The following PRKG2 variants were observed in gnomAD, a reference collection of about 807,000 sequenced individuals.
PRKG2 encodes cGMP-dependent protein kinase 2.
In PRKG2, 33 loss-of-function variants were observed where a neutral mutation model predicts 97.2. The observed-to-expected ratio is 0.34, with a 90% confidence interval of 0.26 to 0.45. PRKG2 has a LOEUF of 0.45. Among genes scored for constraint, PRKG2 ranks in the 20% least tolerant of loss-of-function variants. The pLI is 1.00. For synonymous variants in PRKG2, 330 were observed against 321.8 expected (o/e 1.03, Z -0.27); for missense variants, 638 against 900.0 (o/e 0.71, Z 3.73).
rs1327048521 is a variant in PRKG2, at chr4:81,089,471, T to G, written c.*237A>C. ...TTGTGGAAAGGAAAATGGGGTAGCC[T>G]CTAGCAGTTGAGAAAAGCAAATAAT... is the stretch of plus-strand genomic sequence containing the variant. On this transcript the variant is annotated 3_prime_UTR_variant, in exon 19 of 19. Transcript: ENST00000264399. 2.6e-6 allele frequency: 1 copy of G among 385,630 alleles called. No homozygotes were observed. The highest frequency in any genetic ancestry group is 4.6e-6 in the Non-Finnish European group (1 of 217,952). 23.9% of individuals were successfully genotyped at this position (385,630 alleles called of 1,614,324 possible). A position where few individuals can be genotyped will look rare whatever the true frequency, so the allele number is the denominator to read the frequency against.
intron 14 of PRKG2, among the ~76,000 whole-genome samples, chr4:81,116,583 T>C (rs1392313750): frequency 6.6e-6 from 1 of 152,276 alleles, no homozygotes; most frequent in East Asian, 1.9e-4. Context: ...TTAAGTTCTT[T>C]AAGAAATTGC....
chr4:81,203,564 C>A (rs1043398312), intron 2 of PRKG2, among the ~76,000 whole-genome samples: 1 of 152,036 alleles, frequency 6.6e-6, no homozygotes, highest in African/African-American at 2.4e-5. Flanking sequence ...TCAGGCTCGA[C>A]CAAGGCATTA....
intron 4 of PRKG2, 39 bp from the exon 5 acceptor site, chr4:81,169,807 A>G: frequency 7.7e-7 from 1 of 1,300,592 alleles, no homozygotes. Context: ...CACTTAGTAC[A>G]ACATTGTGAA....
At chr4:81,098,591 C>T (rs560266778) in intron 17 of PRKG2, among the ~76,000 whole-genome samples, 9 of 152,082 alleles carry the variant, frequency 5.9e-5, no homozygotes, top group South Asian at 4.2e-4. Flanking sequence ...TACTTAGAGG[C>T]CATTGTAGGG....
chr4:81,187,867 C>T (rs1003305573), intron 2 of PRKG2, among the ~76,000 whole-genome samples: 1 of 151,768 alleles, frequency 6.6e-6, no homozygotes, highest in African/African-American at 2.4e-5. Context: ...ATACAAAAAT[C>T]AATTCAAGAT....
chr4:81,124,751 G>T (rs867991958), intron 14 of PRKG2, among the ~76,000 whole-genome samples: 1 of 152,100 alleles, frequency 6.6e-6, no homozygotes, highest in South Asian at 2.1e-4. Context: ...CTTCCCGAGA[G>T]ACCTCAAGCA....
chr4:81,162,460 G>A (rs1333477995), intron 6 of PRKG2, among the ~76,000 whole-genome samples: 3 of 152,082 alleles, frequency 2.0e-5, no homozygotes, highest in African/African-American at 7.2e-5. Context: ...TAATGGCATG[G>A]CCCACACAAA....
In PRKG2 at chr4:81,137,448, A is replaced by C; in HGVS notation, c.1579T>G (p.Tyr527Asp). ...CCTAAGCAGGCCTCCAGAAGCATGT[A>C]TACATACTTATTGTCCTTGAAAGTA... ...YRTFKDNKYV[Y>D]MLLEACLGGE... Residue 527 changes from tyrosine (Y) to aspartate (D), a missense_variant, in exon 13 of 19, where the codon TAC (tyrosine) becomes GAC (aspartate). Tyr to Asp is a radical substitution (Grantham distance 160, BLOSUM62 -3). Around this residue, in one of 3 missense-constraint regions of PRKG2, gnomAD observed 304 missense variants for 460.5 expected, o/e 0.66. Transcript: ENST00000264399. The C allele has an allele frequency of 1.9e-6, 3 of 1,612,534 alleles. No homozygotes were observed. The highest frequency in any genetic ancestry group is 2.5e-6 in the Non-Finnish European group (3 of 1,178,554).
intron 2 of PRKG2, among the ~76,000 whole-genome samples, chr4:81,187,515 G>T (rs1751991003): frequency 6.6e-6 from 1 of 152,112 alleles, no homozygotes; most frequent in South Asian, 2.1e-4. Context: ...ATATCATACT[G>T]AATGGGCAAA....
intron 2 of PRKG2, among the ~76,000 whole-genome samples, chr4:81,175,271 T>C (rs1750825714): frequency 6.6e-6 from 1 of 152,138 alleles, no homozygotes; most frequent in African/African-American, 2.4e-5. Context: ...ACACATGATT[T>C]TTTAGATGGA....
At chr4:81,188,573 T>G (rs201025769) in intron 2 of PRKG2, among the ~76,000 whole-genome samples, 1 of 125,968 alleles carries the variant, frequency 7.9e-6, no homozygotes, top group Non-Finnish European at 1.5e-5. Flanking sequence ...CACATGCACA[T>G]GTATGTTTAT....
chr4:81,118,498 G>A (rs1744770384), intron 14 of PRKG2, among the ~76,000 whole-genome samples: 1 of 152,090 alleles, frequency 6.6e-6, no homozygotes, highest in South Asian at 2.1e-4. Context: ...CACTCTAATA[G>A]GTGTGTAGTG....
Position 81,105,799 on chromosome 4 carries a change from A to G in PRKG2, c.2063+14T>C, listed in dbSNP as rs1480739313. ...CTTTCTTCAAGACAAGGGGTTACTG[A>G]CTGTCATTCTCACCTGCAAAGCCTC... On this transcript the variant is annotated intron_variant, in intron 16 of 18. Coordinates refer to ENST00000264399, the MANE Select transcript of PRKG2 (RefSeq NM_006259.3). The G allele has an allele frequency of 6.2e-7, 1 of 1,613,310 alleles. No individual in the cohort carries two copies. Among genetic ancestry groups the G allele is most frequent in the East Asian group, 2.2e-5 (1 of 44,872 alleles).
chr4:81,146,237 A>G (rs977419300), intron 9 of PRKG2, among the ~76,000 whole-genome samples: 1 of 152,186 alleles, frequency 6.6e-6, no homozygotes, highest in African/African-American at 2.4e-5. Flanking sequence ...AATAGAGGTG[A>G]GATGGGTGCT....
At chr4:81,212,089 T>C (rs710838) in intron 1 of PRKG2, among the ~76,000 whole-genome samples, 58,871 of 151,988 alleles carry the variant, frequency 0.39, 13,588 homozygotes, top group African/African-American at 0.65. Flanking sequence ...ACTTTCACAT[T>C]AATGCCACAA....
At chr4:81,099,118 G>A (rs1023371389) in intron 17 of PRKG2, among the ~76,000 whole-genome samples, 6 of 152,166 alleles carry the variant, frequency 3.9e-5, no homozygotes, top group Non-Finnish European at 8.8e-5. Context: ...CATGACTGGT[G>A]CCTAGTTTTA....
intron 6 of PRKG2, among the ~76,000 whole-genome samples, chr4:81,157,749 T>A (rs1318028932): frequency 6.6e-6 from 1 of 151,786 alleles, no homozygotes; most frequent in Non-Finnish European, 1.5e-5. Flanking sequence ...CTGGGCTTCA[T>A]CCCTGGGATG....
In PRKG2 at chr4:81,089,085, T is replaced by C. The variant is rs971764834; in HGVS notation, c.*623A>G. The C allele has an allele frequency of 6.6e-6, 1 of 152,222 alleles. No homozygotes were observed. Among genetic ancestry groups the C allele is most frequent in the Non-Finnish European group, 1.5e-5 (1 of 68,048 alleles). The allele number at this position is 152,222 out of a possible 1,614,324, so 9.4% of individuals were successfully genotyped here. ...AAAATAATTACCTGACTGGATTGAT[T>C]GATTCAGTTACTTTAGGAAATGGTG... On this transcript the variant is annotated 3_prime_UTR_variant, in exon 19 of 19. Coordinates refer to ENST00000264399, the MANE Select transcript of PRKG2 (RefSeq NM_006259.3).
intron 6 of PRKG2, among the ~76,000 whole-genome samples, chr4:81,155,265 G>C (rs1223686759): frequency 6.6e-6 from 1 of 151,608 alleles, no homozygotes; most frequent in Non-Finnish European, 1.5e-5. Flanking sequence ...ACCAAGGCTC[G>C]AGAACTACGT....
Sources: allele counts gnomAD v4.1 joint callset (sites outside exome capture counted in the v4.1 genomes callset), GRCh38; gene constraint gnomAD v4.1.1; regional missense constraint gnomAD v4.1.1; transcripts MANE v1.5; gene names NCBI Gene and HGNC (gene_info 2026-07-23, HGNC 2026-07-21).